PTPN14: variants seen among roughly 807,000 people sequenced by gnomAD.
PTPN14 encodes the protein tyrosine-protein phosphatase non-receptor type 14.
In PTPN14, 53 loss-of-function variants were observed where a neutral mutation model predicts 126.8. That is an observed-to-expected ratio of 0.42 (90% CI 0.34 to 0.53). The LOEUF (loss-of-function observed/expected upper bound fraction) is 0.53, where lower values mean the gene tolerates loss of function less well. Ranked by LOEUF, PTPN14 falls within the 20% of genes least tolerant of loss-of-function variation. The pLI, the probability that PTPN14 is intolerant of heterozygous loss-of-function variation, is 0.08. For missense variants in PTPN14, 1,257 were observed against 1,552.9 expected (o/e 0.81, Z 3.20); for synonymous variants, 630 against 599.3 (o/e 1.05, Z -0.75).
intron 3 of PTPN14, among the ~76,000 whole-genome samples, chr1:214,445,756 G>C (rs1296677782): frequency 6.6e-6 from 1 of 152,086 alleles, no homozygotes; most frequent in East Asian, 1.9e-4. Flanking sequence ...CAGTGATCTT[G>C]GCCAGCAATT....
At chr1:214,417,852 T>A (rs1439059573) in intron 3 of PTPN14, among the ~76,000 whole-genome samples, 1 of 151,950 alleles carries the variant, frequency 6.6e-6, no homozygotes, top group African/African-American at 2.4e-5. Context: ...TCATTCCAAG[T>A]CCAGTTCAGC....
intron 3 of PTPN14, among the ~76,000 whole-genome samples, chr1:214,420,573 C>T (rs1272510193): frequency 1.3e-5 from 2 of 152,234 alleles, no homozygotes; most frequent in African/African-American, 4.8e-5. Flanking sequence ...CTGATCCTTG[C>T]TTTCTGCTCT....
intron 2 of PTPN14, among the ~76,000 whole-genome samples, chr1:214,459,651 TA>T (rs1334561198): frequency 6.6e-6 from 1 of 151,912 alleles, no homozygotes; most frequent in Non-Finnish European, 1.5e-5. Flanking sequence ...TGTATTTTAG[TA>T]GGGACGGGGT....
intron 9 of PTPN14, 143 bp downstream of exon 9, chr1:214,394,756 G>T: frequency 1.3e-6 from 1 of 760,986 alleles, no homozygotes; most frequent in Non-Finnish European, 2.2e-6. Context: ...AGTAATGACA[G>T]CACTGACCAA....
chr1:214,416,080 G>C (rs1180279602), intron 3 of PTPN14, among the ~76,000 whole-genome samples: 3 of 152,168 alleles, frequency 2.0e-5, no homozygotes, highest in Non-Finnish European at 1.5e-5. Flanking sequence ...AAGCCAGAAA[G>C]ACAAACAGAT....
At position 214,398,010 on chromosome 1, in the gene PTPN14, G is replaced by A. The variant is rs200023820; in HGVS notation, c.670-9C>T. Reference sequence around the variant, plus strand: ...CAGTTTCCATGATTGTCCTGGGTAAGACCAACAAAAGATACTTGTGATGAC... The same window carrying A: ...CAGTTTCCATGATTGTCCTGGGTAAAACCAACAAAAGATACTTGTGATGAC... On this transcript the variant is annotated splice_polypyrimidine_tract_variant and intron_variant, in intron 7 of 18. Coordinates refer to ENST00000366956, the MANE Select transcript of PTPN14 (RefSeq NM_005401.5). 2,269 of 1,595,076 alleles carry A rather than the reference G, an allele frequency of 1.4e-3. 2 individuals are homozygous for A. The highest frequency in any genetic ancestry group is 1.8e-3 in the Non-Finnish European group (2,039 of 1,163,820).
intron 13 of PTPN14, among the ~76,000 whole-genome samples, chr1:214,381,255 T>C (rs1658465680): frequency 6.6e-6 from 1 of 152,198 alleles, no homozygotes; most frequent in Non-Finnish European, 1.5e-5. Context: ...CATGTGGACA[T>C]CATTAAGTAT....
At chr1:214,396,381 C>A (rs1370621859) in intron 8 of PTPN14, among the ~76,000 whole-genome samples, 2 of 152,208 alleles carry the variant, frequency 1.3e-5, no homozygotes, top group African/African-American at 2.4e-5. Flanking sequence ...GGGCAATACT[C>A]TCTAATAGTG....
At chr1:214,455,911 A>G (rs997082595) in intron 2 of PTPN14, among the ~76,000 whole-genome samples, 4 of 151,570 alleles carry the variant, frequency 2.6e-5, no homozygotes, top group African/African-American at 9.7e-5. Flanking sequence ...AGGGGACATT[A>G]TGGGAACTCT....
chr1:214,530,360 A>T (rs1655512896), intron 1 of PTPN14: 1 of 134,464 alleles, frequency 7.4e-6, no homozygotes, highest in African/African-American at 2.9e-5. Flanking sequence ...TTTTTTTGAG[A>T]CAGGGTCTCC....
intron 1 of PTPN14, among the ~76,000 whole-genome samples, chr1:214,486,770 C>G (rs949742426): frequency 2.0e-5 from 3 of 152,140 alleles, no homozygotes; most frequent in African/African-American, 7.2e-5. Flanking sequence ...TCCCTGAACC[C>G]TCTCCCATTC....
chr1:214,442,466 T>C (rs1050423905), intron 3 of PTPN14, among the ~76,000 whole-genome samples: 1 of 152,232 alleles, frequency 6.6e-6, no homozygotes, highest in African/African-American at 2.4e-5. Context: ...TCTTGCTTTA[T>C]AAAGCATCTC....
At chr1:214,374,991 T>C (rs1427050385) in intron 15 of PTPN14, among the ~76,000 whole-genome samples, 1 of 152,228 alleles carries the variant, frequency 6.6e-6, no homozygotes, top group Non-Finnish European at 1.5e-5. Context: ...ACTAAGCCCA[T>C]GAAACCCACC....
chr1:214,518,349 T>C (rs1207292115), intron 1 of PTPN14, among the ~76,000 whole-genome samples: 2 of 152,234 alleles, frequency 1.3e-5, no homozygotes, highest in African/African-American at 4.8e-5. Flanking sequence ...ACAGCCCTTT[T>C]AGAATCTGAT....
At chr1:214,530,544 G>T (rs1418931288) in intron 1 of PTPN14, 4 of 151,842 alleles carry the variant, frequency 2.6e-5, no homozygotes, top group Non-Finnish European at 5.9e-5. Flanking sequence ...GTTTCACCAT[G>T]TTGCCCAGGC....
At chr1:214,385,992 T>C (rs1464524296) in intron 12 of PTPN14, among the ~76,000 whole-genome samples, 1 of 152,150 alleles carries the variant, frequency 6.6e-6, no homozygotes, top group East Asian at 1.9e-4. Context: ...TGGCCAGGAG[T>C]TGATAACGTA....
chr1:214,350,890 T>C lies in PTPN14; in HGVS notation c.*7032A>G, dbSNP rs1415522391. ...TGCCAGATCTTATTCTTTGAAACTA[T>C]ACAAGCAATTTTTAAAAAATTAAAA... On this transcript the variant is annotated 3_prime_UTR_variant, in exon 19 of 19. Transcript: ENST00000366956. 6.6e-6 allele frequency: 1 copy of C among 151,762 alleles called. No individual in the cohort carries two copies. Among genetic ancestry groups the C allele is most frequent in the Non-Finnish European group, 1.5e-5 (1 of 67,946 alleles). The allele number at this position is 151,762 out of a possible 1,614,324, so 9.4% of individuals were successfully genotyped here. A position where few individuals can be genotyped will look rare whatever the true frequency, so the allele number is the denominator to read the frequency against.
rs559277456 is a variant in PTPN14 at position 214,361,562 on chromosome 1, A to G, written c.3435+2950T>C. Among the ~76,000 whole-genome samples the G allele has an allele frequency of 6.4e-4, 97 of 152,328 alleles. 2 individuals carry two copies. In the South Asian group the frequency reaches 0.019, roughly 30 times the overall value. ...GCACAAAGCAGTTGACAATTGCTCAATCTTGTCTAGAAGACATTTTCTCCT... is the reference window on the plus strand; with the variant it reads ...GCACAAAGCAGTTGACAATTGCTCAGTCTTGTCTAGAAGACATTTTCTCCT... On this transcript the variant is annotated intron_variant, in intron 18 of 18. Coordinates refer to ENST00000366956, the MANE Select transcript of PTPN14 (RefSeq NM_005401.5).
At chr1:214,460,524 A>ACACACAAACACAC (rs140053325) in intron 2 of PTPN14, among the ~76,000 whole-genome samples, 1 of 132,574 alleles carries the variant, frequency 7.5e-6, no homozygotes, top group Non-Finnish European at 1.6e-5. Flanking sequence ...TGAAAATTCC[A>ACACACAAACACAC]ACACACACAC....
Sources: allele counts gnomAD v4.1 joint callset (sites outside exome capture counted in the v4.1 genomes callset), GRCh38; gene constraint gnomAD v4.1.1; transcripts MANE v1.5; gene names NCBI Gene and HGNC (gene_info 2026-07-23, HGNC 2026-07-21).